Variants in EGFR observed in about 807,000 individuals in gnomAD.
EGFR encodes the protein avian erythroblastic leukemia viral (v-erb-b) oncogene homolog.
In EGFR, 58 loss-of-function variants were observed where a neutral mutation model predicts 143.0. The ratio of observed to expected loss-of-function variants is 0.41; its 90% CI spans 0.33 to 0.50. EGFR has a LOEUF of 0.50. Among genes scored for constraint, EGFR ranks in the 20% least tolerant of loss-of-function variants. The pLI, the probability that EGFR is intolerant of heterozygous loss-of-function variation, is 0.39. For synonymous variants in EGFR, 613 were observed against 594.4 expected, an observed-to-expected ratio of 1.03 and a Z score of -0.45; for missense variants, 1,307 against 1,579.0, an observed-to-expected ratio of 0.83 and a Z score of 2.92.
chr7:55,038,049 C>G (rs73420736), intron 1 of EGFR, among the ~76,000 whole-genome samples: 1 of 152,208 alleles, frequency 6.6e-6, no homozygotes, highest in East Asian at 1.9e-4. Context: ...AAAACACTTA[C>G]GACTGCAGAT....
chr7:55,093,902 A>C (rs971041316), intron 1 of EGFR, among the ~76,000 whole-genome samples: 2 of 152,180 alleles, frequency 1.3e-5, no homozygotes, highest in Non-Finnish European at 2.9e-5. Context: ...CTGGTAGCTC[A>C]GGGAGTGCAG....
intron 4 of EGFR, among the ~76,000 whole-genome samples, chr7:55,148,349 A>G (rs1794874638): frequency 6.6e-6 from 1 of 152,154 alleles, no homozygotes; most frequent in Non-Finnish European, 1.5e-5. Context: ...CCACAATGGC[A>G]GGTCTCCATG....
intron 24 of EGFR, chr7:55,200,919 AG>A (rs1394086070): frequency 1.8e-6 from 1 of 555,090 alleles, no homozygotes. Context: ...TGAATGCTGC[AG>A]CTTCTTCCCT....
At chr7:55,142,241 C>A (rs1050660262) in intron 1 of EGFR, 45 bp from the exon 2 acceptor site, 12 of 1,612,694 alleles carry the variant, frequency 7.4e-6, no homozygotes, top group Non-Finnish European at 1.0e-5. Context: ...TTTAGTTTTT[C>A]TGCATTTCTC....
intron 19 of EGFR, among the ~76,000 whole-genome samples, chr7:55,178,057 C>G (rs947426434): frequency 1.2e-4 from 19 of 152,072 alleles, no homozygotes; most frequent in African/African-American, 4.4e-4. Context: ...GACACCCACG[C>G]CCCCCGCTCT....
intron 1 of EGFR, chr7:55,110,009 C>A: frequency 1.1e-6 from 1 of 917,642 alleles, no homozygotes; most frequent in Non-Finnish European, 1.3e-6. Context: ...GAGATAACAG[C>A]ATAAACACAC....
At chr7:55,067,132 A>G (rs966643787) in intron 1 of EGFR, among the ~76,000 whole-genome samples, 13 of 152,236 alleles carry the variant, frequency 8.5e-5, no homozygotes, top group African/African-American at 2.9e-4. Context: ...GCGCAGTTTC[A>G]GAAAACCATT....
At chr7:55,099,100 C>T (rs1584035120) in intron 1 of EGFR, among the ~76,000 whole-genome samples, 1 of 152,210 alleles carries the variant, frequency 6.6e-6, no homozygotes, top group African/African-American at 2.4e-5. Flanking sequence ...TAAAACAGCC[C>T]TCTGTGTGCT....
chr7:55,200,447 A>G (rs2128970101), intron 24 of EGFR, 34 bp downstream of exon 24: 2 of 1,589,760 alleles, frequency 1.3e-6, no homozygotes, highest in Non-Finnish European at 1.7e-6. Flanking sequence ...CATTGGGAAG[A>G]GTCCCTCTAA....
intron 17 of EGFR, among the ~76,000 whole-genome samples, chr7:55,173,389 T>C (rs1198449792): frequency 1.3e-5 from 2 of 152,174 alleles, no homozygotes; most frequent in Non-Finnish European, 1.5e-5. Flanking sequence ...TGTGTGTGCA[T>C]AGGAGGGAGG....
intron 1 of EGFR, among the ~76,000 whole-genome samples, chr7:55,048,260 A>T (rs1788293491): frequency 1.3e-5 from 2 of 152,158 alleles, no homozygotes; most frequent in African/African-American, 4.8e-5. Context: ...AGGCATCTGC[A>T]TGGGTGACAC....
intron 1 of EGFR, among the ~76,000 whole-genome samples, chr7:55,138,933 G>A (rs912946988): frequency 2.0e-5 from 3 of 152,192 alleles, no homozygotes; most frequent in Non-Finnish European, 4.4e-5. Flanking sequence ...ATGTGAGGTG[G>A]TGGGGAAGAG....
chr7:55,096,654 G>A (rs776954593), intron 1 of EGFR, among the ~76,000 whole-genome samples: 4 of 152,148 alleles, frequency 2.6e-5, no homozygotes, highest in Non-Finnish European at 4.4e-5. Flanking sequence ...CAGCCCTGTG[G>A]GAACTGCCGC....
intron 1 of EGFR, among the ~76,000 whole-genome samples, chr7:55,126,303 G>C (rs528941227): frequency 6.6e-6 from 1 of 152,202 alleles, no homozygotes; most frequent in Non-Finnish European, 1.5e-5. Context: ...AGGACTGTTC[G>C]TTTTTGCACA....
intron 18 of EGFR, 72 bp downstream of exon 18, chr7:55,174,115 C>T: frequency 6.3e-7 from 1 of 1,597,412 alleles, no homozygotes; most frequent in South Asian, 1.1e-5. Context: ...GCCCAGAGTC[C>T]TTGCAAGCTG....
intron 1 of EGFR, among the ~76,000 whole-genome samples, chr7:55,082,817 A>T (rs1174574364): frequency 1.3e-5 from 2 of 152,214 alleles, no homozygotes; most frequent in African/African-American, 4.8e-5. Flanking sequence ...GGAAGCCAGA[A>T]GTCCAAAATC....
In EGFR at chr7:55,168,488, G is replaced by T. The variant is rs371705827; in HGVS notation, c.1881-2687G>T. ...CAAGATTTAAATTAAAAATGTTAGT[G>T]GTCATTTTTCTAATGTCTTTCTATT... On this transcript the variant is annotated intron_variant, in intron 15 of 27. Transcript: ENST00000275493. The T allele has an allele frequency of 5.7e-5, 67 of 1,173,722 alleles. No homozygotes were observed. In the African/African-American group the frequency reaches 9.2e-4, roughly 16 times the overall value. 72.7% of individuals were successfully genotyped at this position (1,173,722 alleles called of 1,614,324 possible).
intron 17 of EGFR, 102 bp from the exon 18 acceptor site, chr7:55,173,794 GTGCCGTGTCCTGGCACCCAAGCCCA>G: frequency 6.9e-7 from 1 of 1,459,360 alleles, no homozygotes; most frequent in Non-Finnish European, 9.6e-7. Flanking sequence ...GAGCTGGCAA[GTGCCGTGTCCTGGCACCCAAGCCCA>G]TGCCGTGGCT....
chr7:55,102,332 C>T (rs890087900), intron 1 of EGFR, among the ~76,000 whole-genome samples: 1 of 152,216 alleles, frequency 6.6e-6, no homozygotes, highest in Admixed American at 6.5e-5. Context: ...CAGCCACCTT[C>T]GACCTCCAGC....
Sources: allele counts gnomAD v4.1 joint callset (sites outside exome capture counted in the v4.1 genomes callset), GRCh38; gene constraint gnomAD v4.1.1; transcripts MANE v1.5; gene names NCBI Gene and HGNC (gene_info 2026-07-23, HGNC 2026-07-21).